Variants in DUS2 observed in about 807,000 individuals in gnomAD.
The protein encoded by DUS2 is dihydrouridine synthase 2, also known as tRNA-dihydrouridine(20) synthase [NAD(P)+]-like.
In DUS2, 52 loss-of-function variants were observed where a neutral mutation model predicts 71.3. The ratio of observed to expected loss-of-function variants is 0.73; its 90% CI spans 0.58 to 0.92. DUS2 has a LOEUF of 0.92. DUS2 is among the 40% of genes least tolerant of loss of function. DUS2 has a pLI of 0.00. For synonymous variants in DUS2, 204 were observed against 227.8 expected, an observed-to-expected ratio of 0.90 and a Z score of 0.94; for missense variants, 558 against 622.6, an observed-to-expected ratio of 0.90 and a Z score of 1.10.
intron 2 of DUS2, among the ~76,000 whole-genome samples, chr16:68,035,915 T>TATATATAC (rs2033516567): frequency 1.9e-5 from 2 of 107,350 alleles, no homozygotes; most frequent in Admixed American, 1.9e-4. Flanking sequence ...TATATATATA[T>TATATATAC]ATATATATAT....
chr16:68,039,383 C>G (rs2033585647), intron 3 of DUS2, among the ~76,000 whole-genome samples: 1 of 151,788 alleles, frequency 6.6e-6, no homozygotes. Flanking sequence ...CCCAGGTATT[C>G]AAAACCAGCC....
chr16:68,066,625 A>C lies in DUS2; in HGVS notation c.543A>C (p.Ala181=). The change falls in exon 10 of 17, where the codon GCA becomes GCC. Residue 181 remains alanine, a synonymous_variant. Transcript: ENST00000565263. The stretch of plus-strand genomic sequence containing the variant: ...AGAGGACTGGCATTGCTGCCATCGC[A>C]GTTCATGGGAGGTGAGTGGTCACCT... The part of the protein sequence containing the change: ...RIERTGIAAI[A]VHGRKREERP... The C allele has an allele frequency of 6.2e-7, 1 of 1,614,102 alleles. No homozygotes were observed. Among genetic ancestry groups the C allele is most frequent in the Non-Finnish European group, 8.5e-7 (1 of 1,179,960 alleles).
At chr16:68,045,611 TAA>T (rs529856830) in intron 3 of DUS2, among the ~76,000 whole-genome samples, 2 of 139,508 alleles carry the variant, frequency 1.4e-5, no homozygotes, top group African/African-American at 2.6e-5. Context: ...AACTCTGTCT[TAA>T]AAAAAAAAAA....
intron 1 of DUS2, among the ~76,000 whole-genome samples, chr16:68,024,856 C>T (rs1205322534): frequency 2.1e-5 from 3 of 141,998 alleles, no homozygotes; most frequent in Non-Finnish European, 4.5e-5. Context: ...TTTTTATAGA[C>T]AGTCTCACTG....
chr16:68,071,269 G>A (rs551389115), intron 12 of DUS2, among the ~76,000 whole-genome samples, 161 bp downstream of exon 12: 6 of 152,140 alleles, frequency 3.9e-5, no homozygotes, highest in African/African-American at 7.2e-5. Context: ...TGCTTTATTC[G>A]GTCTCCCCAG....
intron 2 of DUS2, among the ~76,000 whole-genome samples, chr16:68,031,205 G>A (rs1383533885): frequency 1.3e-5 from 2 of 152,036 alleles, no homozygotes; most frequent in African/African-American, 4.8e-5. Context: ...GTCTCGCTCT[G>A]TCACCAGGCT....
rs1261670319 is a variant in DUS2 at position 68,038,260 on chromosome 16, A to G, written c.126+111A>G. ...GGGACAGAATGGGAATTGACTTTATAGGTGTTCACCAAAGGCTGGAGGAGA... is the reference window on the plus strand; with the variant it reads ...GGGACAGAATGGGAATTGACTTTATGGGTGTTCACCAAAGGCTGGAGGAGA... On this transcript the variant is annotated intron_variant, in intron 3 of 16. Coordinates refer to ENST00000565263, the MANE Select transcript of DUS2 (RefSeq NM_017803.5). The G allele has an allele frequency of 1.5e-5, 22 of 1,452,628 alleles. No individual in the cohort carries two copies. The East Asian group carries it at 5.2e-4, about 34-fold the overall frequency. 90.0% of individuals were successfully genotyped at this position (1,452,628 alleles called of 1,614,324 possible). A position where few individuals can be genotyped will look rare whatever the true frequency, so the allele number is the denominator to read the frequency against.
chr16:68,043,446 G>C (rs1247763748), intron 3 of DUS2, among the ~76,000 whole-genome samples: 1 of 151,522 alleles, frequency 6.6e-6, no homozygotes, highest in Non-Finnish European at 1.5e-5. Flanking sequence ...TTACAGGTGT[G>C]AGCCACCGTG....
chr16:68,040,752 C>T (rs546457592), intron 3 of DUS2, among the ~76,000 whole-genome samples: 1 of 152,080 alleles, frequency 6.6e-6, no homozygotes, highest in African/African-American at 2.4e-5. Context: ...GGTGTCAGCG[C>T]CCCCTGGTGG....
intron 5 of DUS2, chr16:68,053,945 C>T (rs2033814709): frequency 2.5e-6 from 1 of 392,184 alleles, no homozygotes; most frequent in Admixed American, 4.0e-5. Context: ...TTTTTTATCC[C>T]TAGCATTGAT....
At chr16:68,048,115 A>G (rs761033040) in intron 3 of DUS2, among the ~76,000 whole-genome samples, 2 of 152,106 alleles carry the variant, frequency 1.3e-5, no homozygotes, top group Admixed American at 6.6e-5. Flanking sequence ...CTTAGTGACT[A>G]TTCTGAACTA....
Position 68,038,129 on chromosome 16 carries a change from G to A in DUS2, c.106G>A (p.Ala36Thr). Residue 36 changes from alanine to threonine, a missense_variant, in exon 3 of 17, where the codon GCG becomes ACG. Transcript: ENST00000565263. ...PMRLLALDYG[A>T]DIVYCEELID... is the part of the protein sequence containing the mutation. ...GAGGCTGCTGGCCCTGGATTATGGA[G>A]CGGACATTGTTTACTGTGAGGTAAG... is the stretch of plus-strand genomic sequence containing the variant. 3 of 1,614,000 alleles carry A rather than the reference G, an allele frequency of 1.9e-6. No individual in the cohort carries two copies. Among genetic ancestry groups the A allele is most frequent in the Non-Finnish European group, 2.5e-6 (3 of 1,179,936 alleles).
At chr16:68,069,751 A>C (rs909994942) in intron 10 of DUS2, among the ~76,000 whole-genome samples, 17 of 152,278 alleles carry the variant, frequency 1.1e-4, no homozygotes, top group African/African-American at 4.1e-4. Context: ...AGTCCCTTGG[A>C]GAGGGCAGGA....
intron 8 of DUS2, among the ~76,000 whole-genome samples, chr16:68,062,817 TCTCCAGTAGCA>T (rs2033958860): frequency 6.7e-6 from 1 of 150,370 alleles, no homozygotes; most frequent in Non-Finnish European, 1.5e-5. Flanking sequence ...GTCAGCACCC[TCTCCAGTAGCA>T]TCTCAGGTTC....
intron 8 of DUS2, among the ~76,000 whole-genome samples, chr16:68,064,013 T>C (rs1217388973): frequency 1.3e-5 from 2 of 152,174 alleles, no homozygotes; most frequent in Non-Finnish European, 2.9e-5. Flanking sequence ...GCATCCCCCT[T>C]GTGTACACTG....
Position 68,060,821 on chromosome 16 carries a change from C to T in DUS2, c.370-245C>T, listed in dbSNP as rs145800175. 4.5e-3 allele frequency among the ~76,000 whole-genome samples: 679 copies of T among 151,978 alleles called. 7 individuals are homozygous for T. Among genetic ancestry groups the T allele is most frequent in the African/African-American group, 0.016 (654 of 41,428 alleles). Reference sequence around the variant, plus strand: ...CGAGATTGCGCCACTGCACTCCAGCCTGGGTGACAGAGCGAGAATCTGTCT... The same window carrying T: ...CGAGATTGCGCCACTGCACTCCAGCTTGGGTGACAGAGCGAGAATCTGTCT... On this transcript the variant is annotated intron_variant, in intron 7 of 16. Coordinates refer to ENST00000565263, the MANE Select transcript of DUS2 (RefSeq NM_017803.5).
intron 3 of DUS2, 130 bp from the exon 4 acceptor site, chr16:68,049,375 C>T (rs2033746714): frequency 2.3e-6 from 2 of 876,954 alleles, no homozygotes; most frequent in Admixed American, 1.9e-5. Context: ...CTACATGTCC[C>T]AAAAGCCGTG....
chr16:68,026,509 C>T (rs1191854462), intron 2 of DUS2, among the ~76,000 whole-genome samples: 1 of 152,156 alleles, frequency 6.6e-6, no homozygotes, highest in African/African-American at 2.4e-5. Flanking sequence ...CTTTGACCTT[C>T]CTTCTCATCC....
In DUS2 at chr16:68,075,382, T is replaced by G. The variant is rs200103891; in HGVS notation, c.960T>G (p.Tyr320Ter). The G allele has an allele frequency of 1.2e-6, 2 of 1,612,670 alleles. No individual in the cohort carries two copies. The highest frequency in any genetic ancestry group is 2.2e-5 in the South Asian group (2 of 90,610). Residue 320 changes from tyrosine to a stop codon, truncating the protein, a stop_gained, in exon 14 of 17, where the codon TAT becomes TAG. Coordinates refer to ENST00000565263, the MANE Select transcript of DUS2 (RefSeq NM_017803.5). LOFTEE classifies it high-confidence loss of function. ...AGGCCTTTGGCCTTGGTGCCTTCTA[T>G]GAGGAGACCACACAGGAGCTGGATG... ...ICEAFGLGAFYEETTQELDAQ... is the reference protein window; with the variant it reads ...ICEAFGLGAF
Sources: allele counts gnomAD v4.1 joint callset (sites outside exome capture counted in the v4.1 genomes callset), GRCh38; gene constraint gnomAD v4.1.1; transcripts MANE v1.5; gene names NCBI Gene and HGNC (gene_info 2026-07-23, HGNC 2026-07-21).